SLC25A48: variants seen among roughly 807,000 people sequenced by gnomAD.
The protein encoded by SLC25A48 is CTC-321K16.1.
SLC25A48 carries 29 observed loss-of-function variants against 32.2 expected under a neutral mutation model. The ratio of observed to expected loss-of-function variants is 0.90; its 90% CI spans 0.67 to 1.23. The LOEUF is 1.23. Among genes scored for constraint, SLC25A48 ranks in the 50% most tolerant of loss-of-function variants. SLC25A48 has a pLI of 0.00. For missense variants in SLC25A48, 399 were observed against 422.7 expected, an observed-to-expected ratio of 0.94 and a Z score of 0.49; for synonymous variants, 164 against 172.3, an observed-to-expected ratio of 0.95 and a Z score of 0.38.
intron 3 of SLC25A48, among the ~76,000 whole-genome samples, chr5:135,774,472 G>C (rs1561486491): frequency 6.6e-6 from 1 of 151,604 alleles, no homozygotes; most frequent in Non-Finnish European, 1.5e-5. Context: ...TCCAGAAGGG[G>C]AGAGGATAAT....
chr5:135,800,072 C>G (rs1249550194), intron 3 of SLC25A48, among the ~76,000 whole-genome samples: 1 of 151,708 alleles, frequency 6.6e-6, no homozygotes, highest in East Asian at 1.9e-4. Flanking sequence ...CTGTACACCC[C>G]CCTGGTGATA....
At chr5:135,716,027 A>G (rs1194529179) in intron 3 of SLC25A48, among the ~76,000 whole-genome samples, 3 of 152,202 alleles carry the variant, frequency 2.0e-5, no homozygotes, top group Non-Finnish European at 4.4e-5. Flanking sequence ...CCAGTTATCC[A>G]GAAGTGCAGT....
intron 3 of SLC25A48, among the ~76,000 whole-genome samples, chr5:135,733,359 A>G (rs748678438): frequency 6.6e-6 from 1 of 152,170 alleles, no homozygotes; most frequent in African/African-American, 2.4e-5. Context: ...AGAGAGATAT[A>G]GTCATGGGGG....
At chr5:135,719,904 C>T (rs1224454943) in intron 3 of SLC25A48, among the ~76,000 whole-genome samples, 1 of 152,194 alleles carries the variant, frequency 6.6e-6, no homozygotes, top group Non-Finnish European at 1.5e-5. Context: ...TGGGAGGTCA[C>T]GGTGCAGAGG....
chr5:135,801,178 G>C (rs1169804328), intron 3 of SLC25A48, among the ~76,000 whole-genome samples: 1 of 150,476 alleles, frequency 6.6e-6, no homozygotes, highest in Non-Finnish European at 1.5e-5. Flanking sequence ...CTGTGATATT[G>C]TTTGTAATAT....
At chr5:135,662,703 C>G (rs558678330) in intron 3 of SLC25A48, among the ~76,000 whole-genome samples, 21 of 12,288 alleles carry the variant, frequency 1.7e-3, no homozygotes, top group African/African-American at 5.6e-3. Flanking sequence ...TGCCTCTCCC[C>G]CTCAGGTCCC....
At chr5:135,864,273 G>A (rs1353195508) in intron 4 of SLC25A48, among the ~76,000 whole-genome samples, 1 of 152,194 alleles carries the variant, frequency 6.6e-6, no homozygotes, top group African/African-American at 2.4e-5. Context: ...CTGAGGCCCT[G>A]AGTGCATCCA....
chr5:135,852,494 C>T, intron 3 of SLC25A48, 69 bp from the exon 4 acceptor site: 6 of 1,531,402 alleles, frequency 3.9e-6, no homozygotes, highest in Middle Eastern at 1.8e-4. Flanking sequence ...TGGTGTACCC[C>T]GTCAGCCTGC....
intron 3 of SLC25A48, among the ~76,000 whole-genome samples, chr5:135,792,486 GTTAATC>G (rs1220088517): frequency 5.3e-5 from 8 of 151,728 alleles, no homozygotes; most frequent in South Asian, 4.2e-4. Flanking sequence ...TTAGGGGGTT[GTTAATC>G]TTAATGTAAC....
chr5:135,802,734 A>C (rs1353560929), intron 3 of SLC25A48, among the ~76,000 whole-genome samples: 4 of 151,368 alleles, frequency 2.6e-5, no homozygotes, highest in Non-Finnish European at 5.9e-5. Flanking sequence ...ATTATTTATA[A>C]TATCCCAGGG....
intron 4 of SLC25A48, among the ~76,000 whole-genome samples, chr5:135,815,744 A>G (rs2126655138): frequency 6.6e-6 from 1 of 152,350 alleles, no homozygotes; most frequent in South Asian, 2.1e-4. Flanking sequence ...ACGTGTAGTC[A>G]GTGCACCTTC....
intron 3 of SLC25A48, among the ~76,000 whole-genome samples, chr5:135,675,047 T>G (rs529776084): frequency 2.0e-5 from 3 of 151,992 alleles, no homozygotes; most frequent in African/African-American, 7.2e-5. Context: ...ATAATAGCTA[T>G]TCTAACTGGG....
chr5:135,801,433 A>G (rs1757324092), intron 3 of SLC25A48, among the ~76,000 whole-genome samples: 1 of 150,564 alleles, frequency 6.6e-6, no homozygotes, highest in Non-Finnish European at 1.5e-5. Flanking sequence ...TGCTTGTGAT[A>G]TTGTTGGTAA....
At chr5:135,727,824 G>A (rs2126988625) in intron 3 of SLC25A48, among the ~76,000 whole-genome samples, 1 of 152,294 alleles carries the variant, frequency 6.6e-6, no homozygotes, top group Non-Finnish European at 1.5e-5. Context: ...TGAAATCAGG[G>A]AGAGTGATTC....
At chr5:135,590,689 A>G (rs1751502846) in intron 1 of SLC25A48, among the ~76,000 whole-genome samples, 1 of 151,668 alleles carries the variant, frequency 6.6e-6, no homozygotes, top group African/African-American at 2.4e-5. Flanking sequence ...CCACCCCAAC[A>G]CCTATGCTGG....
chr5:135,812,973 A>G (rs2881156), intron 4 of SLC25A48: 53,605 of 152,080 alleles, frequency 0.35, 9,552 homozygotes, highest in East Asian at 0.44. Flanking sequence ...TTCTGGGGGA[A>G]CTGGATCCAA....
rs1315140758 is a variant in SLC25A48 at position 135,750,540 on chromosome 5, T to A, written c.-520-61983T>A. 2.6e-5 allele frequency among the ~76,000 whole-genome samples: 4 copies of A among 152,150 alleles called. No individual in the cohort carries two copies. In the South Asian group the frequency reaches 6.2e-4, roughly 24 times the overall value. ...TCACCATATTCTCTCCGTCAAAGCA[T>A]CACAGGGGCAGCCCAAGTTCAAGGG... On this transcript the variant is annotated intron_variant, in intron 3 of 10. Coordinates refer to the SLC25A48 transcript ENST00000646290.
chr5:135,695,643 C>A (rs552209482), intron 3 of SLC25A48, among the ~76,000 whole-genome samples: 1 of 152,356 alleles, frequency 6.6e-6, no homozygotes, highest in South Asian at 2.1e-4. Flanking sequence ...CCAGCCCCCA[C>A]CTCGGGCAGC....
In SLC25A48 at chr5:135,886,671, T is replaced by TGA. The variant is rs1445618459; in HGVS notation, c.*8-1360_*8-1359insAG. 3.2e-4 allele frequency among the ~76,000 whole-genome samples: 32 copies of TGA among 98,672 alleles called. 2 individuals are homozygous for TGA. Among genetic ancestry groups the TGA allele is most frequent in the East Asian group, 1.9e-3 (7 of 3,708 alleles). 64.7% of individuals were successfully genotyped at this position (98,672 alleles called of 152,430 possible). On this transcript the variant is annotated intron_variant, in intron 7 of 7. Coordinates refer to ENST00000681962, the MANE Select transcript of SLC25A48 (RefSeq NM_001349336.2). The stretch of plus-strand genomic sequence containing the variant: ...ATATGTGTGTGTGTGTGTGTGTGTG[T>TGA]GTGAGAGAGAGAGAGAGAGAGAGAG...
Sources: gnomAD v4.1 joint callset for allele counts (sites outside exome capture counted in the v4.1 genomes callset) on GRCh38, gnomAD v4.1.1 for gene constraint, MANE v1.5 for transcripts, NCBI Gene and HGNC (gene_info 2026-07-23, HGNC 2026-07-21) for gene names.